The following DMRT1 variants were observed in gnomAD, a reference collection of about 807,000 sequenced individuals.
DMRT1 encodes doublesex and mab-3 related transcription factor 1.
In DMRT1, 7 loss-of-function variants were observed where a neutral mutation model predicts 32.3. The ratio of observed to expected loss-of-function variants is 0.22; its 90% confidence interval spans 0.12 to 0.41. The LOEUF is 0.41. Ranked by LOEUF, DMRT1 falls within the 10% of genes least tolerant of loss-of-function variation. The pLI, the probability that DMRT1 is intolerant of heterozygous loss-of-function variation, is 1.00. For synonymous variants in DMRT1, 278 were observed against 206.1 expected (o/e 1.35, Z -2.99); for missense variants, 625 against 500.5 (o/e 1.25, Z -2.37).
intron 1 of DMRT1, among the ~76,000 whole-genome samples, chr9:842,531 C>T (rs1004337093): frequency 2.6e-5 from 4 of 152,258 alleles, no homozygotes; most frequent in African/African-American, 9.6e-5. Context: ...CCACCGCTCC[C>T]GGCGGGGCCC....
At chr9:865,102 G>A (rs1002175604) in intron 2 of DMRT1, among the ~76,000 whole-genome samples, 3 of 152,132 alleles carry the variant, frequency 2.0e-5, no homozygotes, top group Non-Finnish European at 4.4e-5. Context: ...GCGTTGATGT[G>A]GAATGAGCAT....
intron 3 of DMRT1, among the ~76,000 whole-genome samples, chr9:903,982 G>T (rs535626755): frequency 1.3e-5 from 2 of 152,220 alleles, no homozygotes; most frequent in Non-Finnish European, 2.9e-5. Context: ...GATGACTTCA[G>T]TGTGATCTGG....
At chr9:864,538 G>T (rs1216524052) in intron 2 of DMRT1, among the ~76,000 whole-genome samples, 2 of 101,272 alleles carry the variant, frequency 2.0e-5, no homozygotes, top group African/African-American at 3.8e-5. Context: ...TTGCTCTGTC[G>T]CCCAGGCTGG....
At position 875,969 on chromosome 9, in the gene DMRT1, G is replaced by A. The variant is rs567054291; in HGVS notation, c.539-17943G>A. Among the ~76,000 whole-genome samples the A allele has an allele frequency of 5.9e-5, 9 of 152,270 alleles. No individual in the cohort carries two copies. In the East Asian group the frequency reaches 1.4e-3, roughly 23 times the overall value. On this transcript the variant is annotated intron_variant, in intron 2 of 4. Transcript: ENST00000382276. ...TGCCACATGTGATTGGCAGAGCTGT[G>A]TCACCTGCCTGGCTGGGAACTCGAG... is the stretch of plus-strand genomic sequence containing the variant.
Position 900,611 on chromosome 9 carries a change from T to A in DMRT1, c.822+6416T>A, listed in dbSNP as rs576868890. 6.6e-5 allele frequency among the ~76,000 whole-genome samples: 10 copies of A among 151,268 alleles called. No individual in the cohort carries two copies. The East Asian group carries it at 7.7e-4, about 12-fold the overall frequency. ...CAGTTATGATGAACAAATATGATTT[T>A]AAAATACTCTTAAATTGAAAAAAAA... On this transcript the variant is annotated intron_variant, in intron 3 of 4. Transcript: ENST00000382276.
chr9:881,848 G>A (rs1816746830), intron 2 of DMRT1, among the ~76,000 whole-genome samples: 1 of 152,168 alleles, frequency 6.6e-6, no homozygotes, highest in African/African-American at 2.4e-5. Flanking sequence ...CCTGTTTGTG[G>A]CACAACCTGC....
At chr9:875,100 G>A (rs1257361189) in intron 2 of DMRT1, among the ~76,000 whole-genome samples, 1 of 151,976 alleles carries the variant, frequency 6.6e-6, no homozygotes, top group Non-Finnish European at 1.5e-5. Context: ...GTGAGCCACC[G>A]CGCCCGGCCA....
At chr9:951,015 T>C (rs1819410286) in intron 4 of DMRT1, among the ~76,000 whole-genome samples, 1 of 152,212 alleles carries the variant, frequency 6.6e-6, no homozygotes, top group African/African-American at 2.4e-5. Context: ...TAGCTAATGC[T>C]AATATTTGTG....
rs1472014739 is a variant in DMRT1, at chr9:968,028, C to G, written c.1011C>G (p.Leu337=). 1.2e-6 allele frequency: 2 copies of G among 1,614,022 alleles called. No homozygotes were observed. Among genetic ancestry groups the G allele is most frequent in the East Asian group, 2.2e-5 (1 of 44,898 alleles). ...GTCAAGATTCTGGCTTGGTTTCCCT[C>G]TCGAGCAGCTCTCCTATTAGTAACA... The part of the protein sequence containing the change: ...PSSQDSGLVS[L]SSSSPISNKS... The change falls in exon 5 of 5, where the codon CTC becomes CTG. Residue 337 remains leucine (L), a synonymous_variant. Transcript: ENST00000382276.
At chr9:926,643 G>A (rs963076559) in intron 4 of DMRT1, among the ~76,000 whole-genome samples, 13 of 151,988 alleles carry the variant, frequency 8.6e-5, no homozygotes, top group Admixed American at 2.6e-4. Context: ...ACTACACAGA[G>A]GTTTTCATTT....
rs1819905412 is a variant in DMRT1, at chr9:965,513, G to A, written c.968-2472G>A. Among the ~76,000 whole-genome samples, 1 of 152,158 alleles carries A rather than the reference G, an allele frequency of 6.6e-6. No individual in the cohort carries two copies. Among genetic ancestry groups the A allele is most frequent in the African/African-American group, 2.4e-5 (1 of 41,430 alleles). ...CATAAGGCAAGTTAGAGCAAAAGGG[G>A]GATATTGTCAAATTCCTTTCTTTTG... On this transcript the variant is annotated intron_variant, in intron 4 of 4. Coordinates refer to ENST00000382276, the MANE Select transcript of DMRT1 (RefSeq NM_021951.3). This position sits in a 1 kb window ranked among gnomAD's most constrained non-coding sequence, Gnocchi z 4.5.
chr9:844,338 G>C (rs1838811018), intron 1 of DMRT1, among the ~76,000 whole-genome samples: 2 of 150,356 alleles, frequency 1.3e-5, no homozygotes, highest in Admixed American at 1.3e-4. Flanking sequence ...TAATTGTATA[G>C]TTGCATTTTT....
At chr9:847,512 C>T (rs1412824256) in intron 2 of DMRT1, among the ~76,000 whole-genome samples, 1 of 152,176 alleles carries the variant, frequency 6.6e-6, no homozygotes, top group Non-Finnish European at 1.5e-5. Context: ...TCCACTGCAT[C>T]CATTTGGGGA....
At chr9:869,215 G>A (rs553713468) in intron 2 of DMRT1, among the ~76,000 whole-genome samples, 63 of 152,212 alleles carry the variant, frequency 4.1e-4, no homozygotes, top group Middle Eastern at 6.8e-3. Context: ...TTCTACTAAG[G>A]CCACAGCTTT....
intron 2 of DMRT1, among the ~76,000 whole-genome samples, chr9:892,738 A>G (rs1817201453): frequency 6.6e-6 from 1 of 152,112 alleles, no homozygotes. Context: ...GGTTCCCATT[A>G]CATCCCAGAG....
At chr9:878,510 G>A (rs1331116266) in intron 2 of DMRT1, among the ~76,000 whole-genome samples, 1 of 152,088 alleles carries the variant, frequency 6.6e-6, no homozygotes, top group Non-Finnish European at 1.5e-5. Context: ...TCCTGATTAT[G>A]ACTTTAGGGA....
intron 4 of DMRT1, among the ~76,000 whole-genome samples, chr9:923,938 C>T (rs11792914): frequency 0.12 from 18,494 of 152,118 alleles, 1,512 homozygotes; most frequent in African/African-American, 0.23. Context: ...TCAGCTTTAA[C>T]TTGGAACAGA....
intron 3 of DMRT1, among the ~76,000 whole-genome samples, chr9:904,890 C>T (rs1267300121): frequency 6.7e-6 from 1 of 148,960 alleles, no homozygotes; most frequent in Non-Finnish European, 1.5e-5. Context: ...TGCGGTGAGC[C>T]GAGATTGCGC....
At chr9:873,786 G>A (rs1816378632) in intron 2 of DMRT1, among the ~76,000 whole-genome samples, 1 of 152,156 alleles carries the variant, frequency 6.6e-6, no homozygotes, top group Non-Finnish European at 1.5e-5. Flanking sequence ...GTATTGTATT[G>A]TCCATTTGGA....
Sources: allele counts gnomAD v4.1 joint callset (sites outside exome capture counted in the v4.1 genomes callset), GRCh38; gene constraint gnomAD v4.1.1; non-coding constraint Gnocchi (gnomAD v3.1); transcripts MANE v1.5; gene names NCBI Gene and HGNC (gene_info 2026-07-23, HGNC 2026-07-21).